The following CRTC1 variants were observed in gnomAD, a reference collection of about 807,000 sequenced individuals.
CRTC1 encodes CREB regulated transcription coactivator 1.
A neutral mutation model predicts 66.1 loss-of-function variants in CRTC1; 18 were observed. The ratio of observed to expected loss-of-function variants is 0.27; its 90% confidence interval spans 0.19 to 0.40. CRTC1 has a LOEUF of 0.40. Ranked by LOEUF, CRTC1 falls within the 10% of genes least tolerant of loss-of-function variation. The pLI, the probability that CRTC1 is intolerant of heterozygous loss-of-function variation, is 1.00. For synonymous variants in CRTC1, 416 were observed against 398.8 expected, an observed-to-expected ratio of 1.04 and a Z score of -0.51; for missense variants, 669 against 887.9, an observed-to-expected ratio of 0.75 and a Z score of 3.13.
At chr19:18,739,501 C>A (rs528476413) in intron 1 of CRTC1, among the ~76,000 whole-genome samples, 1 of 152,310 alleles carries the variant, frequency 6.6e-6, no homozygotes, top group East Asian at 1.9e-4. Context: ...AGCGTCCATT[C>A]ATTCATTCAT....
At chr19:18,691,455 A>G (rs1368417722) in intron 1 of CRTC1, among the ~76,000 whole-genome samples, 1 of 148,966 alleles carries the variant, frequency 6.7e-6, no homozygotes, top group Non-Finnish European at 1.5e-5. Flanking sequence ...CCAAGAGTTA[A>G]GGCTGTGGTG....
intron 1 of CRTC1, among the ~76,000 whole-genome samples, chr19:18,732,711 A>G (rs2053917470): frequency 6.6e-6 from 1 of 152,134 alleles, no homozygotes; most frequent in Non-Finnish European, 1.5e-5. Context: ...GAGGGCCTTG[A>G]GTGCCACCAG....
At chr19:18,722,040 GC>G (rs1161033241) in intron 1 of CRTC1, among the ~76,000 whole-genome samples, 1 of 152,208 alleles carries the variant, frequency 6.6e-6, no homozygotes, top group Non-Finnish European at 1.5e-5. Flanking sequence ...CTCAGCAGAG[GC>G]CGGAGTCTGC....
intron 1 of CRTC1, among the ~76,000 whole-genome samples, chr19:18,696,660 T>TC (rs1485193438): frequency 6.6e-6 from 1 of 152,076 alleles, no homozygotes; most frequent in Non-Finnish European, 1.5e-5. Context: ...ATAGAGGTTG[T>TC]CCCTGGTTTT....
chr19:18,689,129 TAG>T (rs1478468176), intron 1 of CRTC1, among the ~76,000 whole-genome samples: 2 of 151,748 alleles, frequency 1.3e-5, no homozygotes, highest in Admixed American at 1.3e-4. Context: ...TATTTTTGAG[TAG>T]AGACAGGGTT....
rs1568515134 is a variant in CRTC1 at position 18,742,720 on chromosome 19, G to A, written c.127-190G>A. On this transcript the variant is annotated intron_variant, in intron 1 of 13. Coordinates refer to ENST00000321949, the MANE Select transcript of CRTC1 (RefSeq NM_015321.3). ...CTGGGGAGCCGTCCCGGCACCTCGG[G>A]TTTCTGATTCTGCCATTTTTGGTGG... 2.0e-5 allele frequency among the ~76,000 whole-genome samples: 3 copies of A among 152,236 alleles called. No individual in the cohort carries two copies. The South Asian group carries it at 6.2e-4, about 31-fold the overall frequency.
intron 1 of CRTC1, among the ~76,000 whole-genome samples, chr19:18,688,137 G>A (rs1240025389): frequency 6.6e-6 from 1 of 152,104 alleles, no homozygotes. Context: ...GTTTTAGGGG[G>A]GACAGGAGAG....
rs1452241906 is a variant in CRTC1 at position 18,759,923 on chromosome 19, C to A, written c.666-85C>A. The A allele has an allele frequency of 4.4e-6, 5 of 1,132,808 alleles. No individual in the cohort carries two copies. In the East Asian group the frequency reaches 9.5e-5, roughly 22 times the overall value. 70.2% of individuals were successfully genotyped at this position (1,132,808 alleles called of 1,614,324 possible). ...GATGGGGGGTGGCCTTTTGCACCCG[C>A]TGATTTTCTCCCGCCAGCCCCCTGT... On this transcript the variant is annotated intron_variant, in intron 7 of 13. Transcript: ENST00000321949.
intron 4 of CRTC1, among the ~76,000 whole-genome samples, 162 bp from the exon 5 acceptor site, chr19:18,749,619 C>T (rs2054319024): frequency 6.6e-6 from 1 of 152,204 alleles, no homozygotes; most frequent in Admixed American, 6.5e-5. Flanking sequence ...TCTGGTGGCT[C>T]TTTTTAGAAT....
intron 4 of CRTC1, 35 bp from the exon 5 acceptor site, chr19:18,749,746 C>T (rs756952418): frequency 5.1e-6 from 8 of 1,558,850 alleles, no homozygotes; most frequent in Non-Finnish European, 8.8e-7. Context: ...CTGCCTTGGG[C>T]TGAGGCTCAT....
At chr19:18,690,504 C>T (rs2052804079) in intron 1 of CRTC1, among the ~76,000 whole-genome samples, 2 of 152,174 alleles carry the variant, frequency 1.3e-5, no homozygotes, top group African/African-American at 4.8e-5. Flanking sequence ...TCTCCAGGCC[C>T]CTCCAAAAAG....
intron 1 of CRTC1, among the ~76,000 whole-genome samples, chr19:18,705,295 A>G (rs191900831): frequency 1.3e-5 from 2 of 152,144 alleles, no homozygotes; most frequent in African/African-American, 4.8e-5. Context: ...ATTCCCAGAC[A>G]TGGGATTGCT....
At chr19:18,743,185 G>A (rs2054148600) in intron 2 of CRTC1, among the ~76,000 whole-genome samples, 159 bp downstream of exon 2, 1 of 152,264 alleles carries the variant, frequency 6.6e-6, no homozygotes, top group African/African-American at 2.4e-5. Flanking sequence ...AGAGGAAGCA[G>A]AGTGGCCCCA....
chr19:18,719,925 C>A (rs904021503), intron 1 of CRTC1, among the ~76,000 whole-genome samples: 1 of 152,222 alleles, frequency 6.6e-6, no homozygotes, highest in South Asian at 2.1e-4. Context: ...TGGGCAGCGT[C>A]GGCGTCGGGC....
At chr19:18,731,056 A>G (rs1276930353) in intron 1 of CRTC1, among the ~76,000 whole-genome samples, 1 of 152,022 alleles carries the variant, frequency 6.6e-6, no homozygotes, top group Non-Finnish European at 1.5e-5. Context: ...CTTGGCTCAC[A>G]GCACCCTCCA....
At chr19:18,712,611 A>G (rs907951006) in intron 1 of CRTC1, among the ~76,000 whole-genome samples, 2 of 152,184 alleles carry the variant, frequency 1.3e-5, no homozygotes, top group African/African-American at 4.8e-5. Flanking sequence ...TACCTTCTCA[A>G]TATTGTACAG....
chr19:18,743,119 A>G (rs2054146943), intron 2 of CRTC1, 93 bp downstream of exon 2: 6 of 1,030,430 alleles, frequency 5.8e-6, no homozygotes, highest in Non-Finnish European at 9.0e-6. Context: ...TGGGGTTATC[A>G]GACAGTTGGC....
intron 11 of CRTC1, among the ~76,000 whole-genome samples, chr19:18,773,428 A>G (rs1267076315): frequency 1.3e-5 from 2 of 152,166 alleles, no homozygotes; most frequent in Non-Finnish European, 2.9e-5. Context: ...GCAGGCTCAC[A>G]GGGAAACCTC....
intron 1 of CRTC1, among the ~76,000 whole-genome samples, chr19:18,729,000 A>C (rs1026088134): frequency 6.7e-6 from 1 of 149,076 alleles, no homozygotes; most frequent in African/African-American, 2.5e-5. Context: ...TTTAGTAGAG[A>C]CAGGGTTCCA....
Sources: allele counts gnomAD v4.1 joint callset (sites outside exome capture counted in the v4.1 genomes callset), GRCh38; gene constraint gnomAD v4.1.1; transcripts MANE v1.5; gene names NCBI Gene and HGNC (gene_info 2026-07-23, HGNC 2026-07-21).